SRFBP1: variants seen among roughly 807,000 people sequenced by gnomAD.
SRFBP1 encodes the protein serum response factor-binding protein 1.
A neutral mutation model predicts 45.5 loss-of-function variants in SRFBP1; 47 were observed. The ratio of observed to expected loss-of-function variants is 1.03; its 90% confidence interval spans 0.82 to 1.32. The LOEUF is 1.32. Among genes scored for constraint, SRFBP1 ranks in the 40% most tolerant of loss-of-function variants. SRFBP1 has a pLI of 0.00. For missense variants in SRFBP1, 621 were observed against 484.6 expected (o/e 1.28, Z -2.64); for synonymous variants, 203 against 166.3 (o/e 1.22, Z -1.70).
chr5:122,023,125 C>T (rs1753396455), intron 7 of SRFBP1, among the ~76,000 whole-genome samples: 1 of 152,222 alleles, frequency 6.6e-6, no homozygotes, highest in Non-Finnish European at 1.5e-5. Flanking sequence ...AGCCAGAATT[C>T]AGTCACATGA....
downstream of SRFBP1, chr5:122,028,665 A>G (rs1302071482): frequency 6.6e-6 from 1 of 152,012 alleles, no homozygotes; most frequent in Non-Finnish European, 1.5e-5. Context: ...GCAGAGAGAA[A>G]ATTATTTTTG....
At chr5:122,000,451 C>G (rs75015924) in intron 4 of SRFBP1, among the ~76,000 whole-genome samples, 1,542 of 152,100 alleles carry the variant, frequency 0.01, 25 homozygotes, top group African/African-American at 0.035. Context: ...CCTGAAGACT[C>G]TTAAAATATC....
chr5:122,077,665 G>C, downstream of SRFBP1: 1 of 1,605,502 alleles, frequency 6.2e-7, no homozygotes, highest in Non-Finnish European at 8.5e-7. This position sits in a 1 kb window ranked among gnomAD's most constrained non-coding sequence, Gnocchi z 4.9. Flanking sequence ...CAGATGAGCC[G>C]GCCGTCCGCG....
In SRFBP1 at chr5:121,965,020, G is replaced by A. The variant is rs140124795; in HGVS notation, c.36+2952G>A. ...TGAGAAGTGTCTGTTCATGTCCTTC[G>A]CCCACTTTTTGATGGGGTTGTTTTT... On this transcript the variant is annotated intron_variant, in intron 1 of 7. Transcript: ENST00000339397. 4.1e-3 allele frequency among the ~76,000 whole-genome samples: 627 copies of A among 152,218 alleles called. 15 individuals carry two copies. In the East Asian group the frequency reaches 0.053, roughly 13 times the overall value.
rs775936866 is a variant in SRFBP1, at chr5:121,962,065, C to T, written c.33C>T (p.Asn11=). The T allele has an allele frequency of 1.2e-6, 2 of 1,614,058 alleles. No individual in the cohort carries two copies. Among genetic ancestry groups the T allele is most frequent in the Admixed American group, 1.7e-5 (1 of 60,014 alleles). MAQPGTLNLN[N]EVVKMRKEVK... ...AGCCGGGAACTCTGAACCTCAATAA[C>T]GAGGTGAGCGCCGAGGAACCTATGG... The change falls in exon 1 of 8, where the codon AAC becomes AAT. Residue 11 remains asparagine, a synonymous_variant. Coordinates refer to ENST00000339397, the MANE Select transcript of SRFBP1 (RefSeq NM_152546.3).
chr5:122,009,547 G>A (rs554780327), intron 4 of SRFBP1, among the ~76,000 whole-genome samples: 1 of 152,170 alleles, frequency 6.6e-6, no homozygotes, highest in Non-Finnish European at 1.5e-5. Flanking sequence ...ATATTTTAAA[G>A]CTCACAGGAA....
chr5:122,003,535 C>G (rs1416259190), intron 4 of SRFBP1, among the ~76,000 whole-genome samples: 1 of 152,070 alleles, frequency 6.6e-6, no homozygotes, highest in African/African-American at 2.4e-5. Flanking sequence ...ATGTCCTTAG[C>G]ATACTGATTT....
chr5:121,971,633 T>G lies in SRFBP1; in HGVS notation c.37-2563T>G, dbSNP rs56849073. 9.8e-3 allele frequency among the ~76,000 whole-genome samples: 1,489 copies of G among 152,094 alleles called. 25 individuals carry two copies. The highest frequency in any genetic ancestry group is 0.033 in the African/African-American group (1,382 of 41,542). ...ACTCCTCTTTGTTTAGGTGGCAAAT[T>G]AAATATGCACACATAAGATCTCTTA... On this transcript the variant is annotated intron_variant, in intron 1 of 7. Coordinates refer to ENST00000339397, the MANE Select transcript of SRFBP1 (RefSeq NM_152546.3).
At chr5:121,978,630 T>C (rs1752351307) in intron 3 of SRFBP1, among the ~76,000 whole-genome samples, 1 of 152,150 alleles carries the variant, frequency 6.6e-6, no homozygotes, top group South Asian at 2.1e-4. Flanking sequence ...TAACTGGGAC[T>C]ACAGTTGCCT....
chr5:121,993,447 C>T (rs538118510), intron 3 of SRFBP1, among the ~76,000 whole-genome samples: 3 of 152,216 alleles, frequency 2.0e-5, no homozygotes, highest in East Asian at 3.9e-4. Flanking sequence ...GTTAGTTTTT[C>T]ATGAATGCTT....
chr5:121,978,671 T>TG (rs1752352054), intron 3 of SRFBP1, among the ~76,000 whole-genome samples: 1 of 152,154 alleles, frequency 6.6e-6, no homozygotes, highest in African/African-American at 2.4e-5. Flanking sequence ...TTTGTATTTT[T>TG]AGTAGAGACA....
intron 3 of SRFBP1, among the ~76,000 whole-genome samples, chr5:121,977,093 C>T (rs935782600): frequency 6.6e-6 from 1 of 151,944 alleles, no homozygotes; most frequent in Non-Finnish European, 1.5e-5. Flanking sequence ...TTTTGAATCT[C>T]ATCAGCAAAG....
At position 121,979,458 on chromosome 5, in the gene SRFBP1, A is replaced by G. The variant is rs1460627540; in HGVS notation, c.198+4071A>G. On this transcript the variant is annotated intron_variant, in intron 3 of 7. Transcript: ENST00000339397. ...ATACCTTATTGAAGTCTGTAAGTAC[A>G]CTGTACTGTGTTAATTAGCTATGTC... Among the ~76,000 whole-genome samples the G allele has an allele frequency of 2.0e-5, 3 of 152,212 alleles. No individual in the cohort carries two copies. The South Asian group carries it at 6.2e-4, about 32-fold the overall frequency.
At chr5:121,966,561 T>C (rs1014394011) in intron 1 of SRFBP1, among the ~76,000 whole-genome samples, 9 of 152,172 alleles carry the variant, frequency 5.9e-5, no homozygotes, top group Non-Finnish European at 2.9e-5. Flanking sequence ...AGAGGAGAAA[T>C]GCACAATTGA....
At chr5:122,040,851 G>A (rs562005454) in intron 2 of SRFBP1, among the ~76,000 whole-genome samples, 2 of 152,166 alleles carry the variant, frequency 1.3e-5, no homozygotes, top group East Asian at 1.9e-4. Flanking sequence ...CTGTTCAAAG[G>A]TCATCTTGTT....
intron 3 of SRFBP1, among the ~76,000 whole-genome samples, chr5:121,987,543 A>G (rs1752542039): frequency 6.6e-6 from 1 of 152,112 alleles, no homozygotes; most frequent in Admixed American, 6.6e-5. Context: ...GATGTCTCTC[A>G]CTCTTACAAG....
chr5:122,018,421 A>G (rs1048615891), intron 4 of SRFBP1, among the ~76,000 whole-genome samples: 2 of 152,204 alleles, frequency 1.3e-5, no homozygotes, highest in African/African-American at 4.8e-5. Context: ...CACAGGGTGT[A>G]TTGTGAGTTT....
intron 2 of SRFBP1, among the ~76,000 whole-genome samples, chr5:122,038,683 A>G (rs951309265): frequency 4.6e-5 from 7 of 152,230 alleles, no homozygotes; most frequent in Non-Finnish European, 4.4e-5. Flanking sequence ...AAGGAAGGAA[A>G]ATGCAAGGCA....
At chr5:122,024,364 A>G (rs187021631) in intron 7 of SRFBP1, among the ~76,000 whole-genome samples, 21 of 152,234 alleles carry the variant, frequency 1.4e-4, no homozygotes, top group African/African-American at 5.1e-4. Context: ...TTTTTATGTT[A>G]TTGTAATGGT....
Sources: gnomAD v4.1 joint callset for allele counts (sites outside exome capture counted in the v4.1 genomes callset) on GRCh38, gnomAD v4.1.1 for gene constraint, Gnocchi (gnomAD v3.1) non-coding constraint, MANE v1.5 for transcripts, NCBI Gene and HGNC (gene_info 2026-07-23, HGNC 2026-07-21) for gene names.